Variants in LSAMP observed in about 807,000 individuals in gnomAD.
LSAMP encodes limbic system-associated membrane protein.
LSAMP carries 7 observed loss-of-function variants against 38.6 expected under a neutral mutation model. That is an observed-to-expected ratio of 0.18 (90% confidence interval 0.10 to 0.34). The LOEUF (loss-of-function observed/expected upper bound fraction) is 0.34, where lower values mean the gene tolerates loss of function less well. Among genes scored for constraint, LSAMP ranks in the 10% least tolerant of loss-of-function variants. The pLI, the probability that LSAMP is intolerant of heterozygous loss-of-function variation, is 1.00. For synonymous variants in LSAMP, 154 were observed against 166.8 expected, an observed-to-expected ratio of 0.92 and a Z score of 0.59; for missense variants, 313 against 420.0, an observed-to-expected ratio of 0.75 and a Z score of 2.23.
chr3:116,441,972 C>G (rs1210575350), intron 1 of LSAMP, among the ~76,000 whole-genome samples: 1 of 152,086 alleles, frequency 6.6e-6, no homozygotes, highest in Non-Finnish European at 1.5e-5. Context: ...GTAATCTCCT[C>G]TAGAAAATAA....
chr3:116,431,248 T>A (rs2049277555), intron 1 of LSAMP, among the ~76,000 whole-genome samples: 1 of 152,050 alleles, frequency 6.6e-6, no homozygotes, highest in African/African-American at 2.4e-5. Flanking sequence ...CCATAATATA[T>A]TAATAAGTCT....
At chr3:115,945,098 C>G (rs1417522802) in intron 3 of LSAMP, among the ~76,000 whole-genome samples, 1 of 152,060 alleles carries the variant, frequency 6.6e-6, no homozygotes, top group African/African-American at 2.4e-5. Flanking sequence ...CCATAAAACT[C>G]ATAGGGTTCT....
intron 2 of LSAMP, among the ~76,000 whole-genome samples, chr3:116,029,586 TG>T (rs1940872753): frequency 6.6e-6 from 1 of 152,072 alleles, no homozygotes; most frequent in Non-Finnish European, 1.5e-5. Flanking sequence ...AACAAAGCAA[TG>T]CTAGGTACCG....
At chr3:115,880,942 G>A (rs1466606637) in intron 3 of LSAMP, among the ~76,000 whole-genome samples, 1 of 151,942 alleles carries the variant, frequency 6.6e-6, no homozygotes, top group Non-Finnish European at 1.5e-5. Flanking sequence ...GGAGGCTGAG[G>A]CATGAGAATC....
chr3:116,281,151 A>G (rs2047121548), intron 1 of LSAMP, among the ~76,000 whole-genome samples: 2 of 152,192 alleles, frequency 1.3e-5, no homozygotes, highest in South Asian at 4.1e-4. Context: ...AGTACAGAAA[A>G]TTAGAACAGA....
chr3:116,281,222 A>C (rs2047122279), intron 1 of LSAMP, among the ~76,000 whole-genome samples: 1 of 152,190 alleles, frequency 6.6e-6, no homozygotes, highest in Non-Finnish European at 1.5e-5. Context: ...GACATTAAAG[A>C]TGTATGGATG....
At chr3:116,083,772 G>A (rs1213495457) in intron 2 of LSAMP, among the ~76,000 whole-genome samples, 1 of 152,142 alleles carries the variant, frequency 6.6e-6, no homozygotes, top group African/African-American at 2.4e-5. Context: ...TTGATGTGGT[G>A]AAAACAATAG....
At chr3:116,194,405 G>C (rs961162088) in intron 1 of LSAMP, among the ~76,000 whole-genome samples, 16 of 151,998 alleles carry the variant, frequency 1.1e-4, no homozygotes, top group African/African-American at 3.1e-4. Flanking sequence ...TTGTTTGTTT[G>C]TTTGTTTGAG....
At chr3:116,211,418 G>A (rs1002255195) in intron 1 of LSAMP, among the ~76,000 whole-genome samples, 1 of 152,158 alleles carries the variant, frequency 6.6e-6, no homozygotes, top group African/African-American at 2.4e-5. Context: ...ATTCAAAAAT[G>A]TATACATGTT....
chr3:115,876,887 A>G (rs1009319368), intron 3 of LSAMP, among the ~76,000 whole-genome samples: 2 of 152,186 alleles, frequency 1.3e-5, no homozygotes, highest in African/African-American at 4.8e-5. Flanking sequence ...AGCAATATTA[A>G]TGAATTCTTT....
At chr3:116,158,862 G>A (rs181814568) in intron 1 of LSAMP, among the ~76,000 whole-genome samples, 20 of 152,010 alleles carry the variant, frequency 1.3e-4, no homozygotes, top group African/African-American at 4.8e-4. Flanking sequence ...TAAAATTCAC[G>A]AGAACCAAAA....
intron 3 of LSAMP, among the ~76,000 whole-genome samples, chr3:115,962,416 C>G (rs1408380292): frequency 6.6e-6 from 1 of 152,172 alleles, no homozygotes; most frequent in Non-Finnish European, 1.5e-5. Context: ...AGATAATTCT[C>G]TAATGACACA....
intron 1 of LSAMP, among the ~76,000 whole-genome samples, chr3:116,155,286 A>G (rs1709719144): frequency 6.6e-6 from 1 of 151,762 alleles, no homozygotes; most frequent in South Asian, 2.1e-4. Flanking sequence ...GTGCAATGGC[A>G]TGATCTCGGC....
At chr3:116,341,540 C>A (rs955914098) in intron 1 of LSAMP, among the ~76,000 whole-genome samples, 7 of 151,720 alleles carry the variant, frequency 4.6e-5, no homozygotes, top group African/African-American at 1.7e-4. Context: ...TGAGATTCAG[C>A]CTAGAAAAAT....
intron 1 of LSAMP, among the ~76,000 whole-genome samples, chr3:116,218,608 C>G (rs2046248029): frequency 6.6e-6 from 1 of 152,144 alleles, no homozygotes; most frequent in Non-Finnish European, 1.5e-5. Flanking sequence ...CCAGGTGTTT[C>G]TCTACTAAAT....
At chr3:116,323,005 A>T (rs2047725086) in intron 1 of LSAMP, among the ~76,000 whole-genome samples, 1 of 152,168 alleles carries the variant, frequency 6.6e-6, no homozygotes, top group African/African-American at 2.4e-5. Flanking sequence ...AGTGCCAATG[A>T]AAACTGGCTT....
chr3:116,258,699 C>A (rs1262939251), intron 1 of LSAMP, among the ~76,000 whole-genome samples: 1 of 152,074 alleles, frequency 6.6e-6, no homozygotes. Flanking sequence ...TTTTTAAAAT[C>A]ATGTGTTTGC....
At chr3:116,035,841 A>T (rs1941033243) in intron 2 of LSAMP, among the ~76,000 whole-genome samples, 1 of 152,186 alleles carries the variant, frequency 6.6e-6, no homozygotes, top group African/African-American at 2.4e-5. Context: ...GTGCTCACCA[A>T]GTATCTATGT....
At chr3:115,984,438 A>C (rs956342784) in intron 3 of LSAMP, among the ~76,000 whole-genome samples, 2 of 152,190 alleles carry the variant, frequency 1.3e-5, no homozygotes, top group African/African-American at 4.8e-5. Context: ...ATTTTCTTCC[A>C]TTTTATAGTT....
Sources: allele counts gnomAD v4.1 joint callset (sites outside exome capture counted in the v4.1 genomes callset), GRCh38; gene constraint gnomAD v4.1.1; transcripts MANE v1.5; gene names NCBI Gene and HGNC (gene_info 2026-07-23, HGNC 2026-07-21).